ARID1B: variants seen among roughly 807,000 people sequenced by gnomAD.
ARID1B encodes AT-rich interaction domain 1B.
A neutral mutation model predicts 212.3 loss-of-function variants in ARID1B; 30 were observed. The ratio of observed to expected loss-of-function variants is 0.14; its 90% CI spans 0.11 to 0.19. ARID1B has a LOEUF of 0.19. Ranked by LOEUF, ARID1B falls within the 10% of genes least tolerant of loss-of-function variation. The probability of loss-of-function intolerance (pLI) is 1.00; values close to 1 mark genes in which losing one functional copy is unlikely to be tolerated. For missense variants in ARID1B, 2,891 were observed against 3,204.0 expected (o/e 0.90, Z 2.36); for synonymous variants, 1,402 against 1,301.7 (o/e 1.08, Z -1.66).
chr6:157,200,102 G>A lies in ARID1B; in HGVS notation c.4480-603G>A, dbSNP rs1368722497. Reference sequence around the variant, plus strand: ...GGTCCCGGAGCATCCTGGGAAGCAAGCTTAATAACAGGTGTGGTCCCAGCC... The same window carrying A: ...GGTCCCGGAGCATCCTGGGAAGCAAACTTAATAACAGGTGTGGTCCCAGCC... On this transcript the variant is annotated intron_variant, in intron 17 of 19. Coordinates refer to ENST00000636930, the MANE Select transcript of ARID1B (RefSeq NM_001374828.1). The surrounding 1 kb of genome is among the most constrained non-coding windows in gnomAD (Gnocchi z 4.3). Among the ~76,000 whole-genome samples the A allele has an allele frequency of 6.6e-6, 1 of 152,194 alleles. No homozygotes were observed. The highest frequency in any genetic ancestry group is 1.5e-5 in the Non-Finnish European group (1 of 68,032).
rs148105329 is a variant in ARID1B at position 157,018,504 on chromosome 6, G to A, written c.2248-66158G>A. Among the ~76,000 whole-genome samples the A allele has an allele frequency of 4.4e-3, 673 of 152,218 alleles. 4 individuals carry two copies. Among genetic ancestry groups the A allele is most frequent in the African/African-American group, 0.015 (640 of 41,528 alleles). On this transcript the variant is annotated intron_variant, in intron 4 of 19. Transcript: ENST00000636930. The stretch of plus-strand genomic sequence containing the variant: ...GCTGGGATTACAGGCGTGAGCCACC[G>A]TGCCCGGCATAACTATTTCCTTTTT...
intron 2 of ARID1B, among the ~76,000 whole-genome samples, chr6:156,831,526 G>A (rs73572290): frequency 0.022 from 3,291 of 152,278 alleles, 130 homozygotes; most frequent in African/African-American, 0.075. Flanking sequence ...TCCCAAAGTG[G>A]GAGTCAAACA....
At chr6:156,795,274 A>G (rs1005496051) in intron 1 of ARID1B, among the ~76,000 whole-genome samples, 1 of 152,158 alleles carries the variant, frequency 6.6e-6, no homozygotes, top group African/African-American at 2.4e-5. Context: ...ACGGTGTCTC[A>G]GATTCGCTGG....
rs1242708514 is a variant in ARID1B at position 157,084,921 on chromosome 6, A to G, written c.2491+16A>G. The G allele has an allele frequency of 6.3e-7, 1 of 1,589,866 alleles. No individual in the cohort carries two copies. The highest frequency in any genetic ancestry group is 8.6e-7 in the Non-Finnish European group (1 of 1,168,400). ...AGTATCCCAGGTATTTACTTTCCTG[A>G]CAATTATTATTTTACTTTGTGATAA... On this transcript the variant is annotated intron_variant, in intron 5 of 19. Coordinates refer to ENST00000636930, the MANE Select transcript of ARID1B (RefSeq NM_001374828.1).
chr6:156,891,727 TC>T (rs202012940), intron 2 of ARID1B, among the ~76,000 whole-genome samples: 7,879 of 148,990 alleles, frequency 0.053, 687 homozygotes, highest in African/African-American at 0.18. Flanking sequence ...TCACCTCTGC[TC>T]TTTTTTTTCC....
intron 4 of ARID1B, among the ~76,000 whole-genome samples, chr6:157,055,098 C>T (rs774554435): frequency 2.6e-4 from 39 of 152,342 alleles, no homozygotes; most frequent in Admixed American, 2.0e-4. Flanking sequence ...GCCACCTCAC[C>T]ACTGAAGCCA....
In ARID1B at chr6:157,203,719, A is replaced by G; in HGVS notation, c.5264-147A>G. On this transcript the variant is annotated intron_variant, in intron 18 of 19. Transcript: ENST00000636930. The surrounding 1 kb of genome is among the most constrained non-coding windows in gnomAD (Gnocchi z 4.4). ...TGGCCTCCATTTAAAATCGGAAATG[A>G]TCACGCTTAACTGTCCTTGAGAGCA... 9.9e-7 allele frequency: 1 copy of G among 1,005,386 alleles called. No homozygotes were observed. Among genetic ancestry groups the G allele is most frequent in the East Asian group, 2.4e-5 (1 of 40,914 alleles). 62.3% of individuals were successfully genotyped at this position (1,005,386 alleles called of 1,614,324 possible).
intron 4 of ARID1B, among the ~76,000 whole-genome samples, chr6:157,065,981 C>T (rs1783653958): frequency 6.6e-6 from 1 of 152,198 alleles, no homozygotes; most frequent in Non-Finnish European, 1.5e-5. Flanking sequence ...CAAAAGCCCT[C>T]TTATGCCTCT....
intron 4 of ARID1B, among the ~76,000 whole-genome samples, chr6:156,965,412 C>T (rs1195696354): frequency 6.6e-6 from 1 of 152,134 alleles, no homozygotes; most frequent in African/African-American, 2.4e-5. Context: ...CCACTTTATC[C>T]TTAAAAAGTA....
intron 7 of ARID1B, among the ~76,000 whole-genome samples, chr6:157,140,100 A>G (rs112426137): frequency 0.039 from 5,868 of 152,230 alleles, 399 homozygotes; most frequent in African/African-American, 0.13. Context: ...TCTGTGCGTG[A>G]TGAAAGTAAA....
rs370971102 is a variant in ARID1B, at chr6:157,124,639, G to A, written c.2582-8389G>A. On this transcript the variant is annotated intron_variant, in intron 6 of 19. Transcript: ENST00000636930. ...CCATTAGTGGATCTTTCCATGATAT[G>A]TAAAATATCAGAGTGCACTGTACAT... Among the ~76,000 whole-genome samples, 35 of 152,290 alleles carry A rather than the reference G, an allele frequency of 2.3e-4. 1 individual carries two copies. In the South Asian group the frequency reaches 6.9e-3, roughly 30 times the overall value.
intron 6 of ARID1B, among the ~76,000 whole-genome samples, chr6:157,124,133 C>T (rs907016518): frequency 6.6e-6 from 1 of 152,254 alleles, no homozygotes; most frequent in African/African-American, 2.4e-5. Context: ...GGACAGCTGT[C>T]TCCTTTTCCT....
intron 2 of ARID1B, among the ~76,000 whole-genome samples, chr6:156,888,120 C>T (rs1787661702): frequency 6.6e-6 from 1 of 152,334 alleles, no homozygotes; most frequent in Non-Finnish European, 1.5e-5. Context: ...CAAAGGTTAT[C>T]TCTTTAAAAT....
chr6:157,049,456 G>T (rs573273801), intron 4 of ARID1B, among the ~76,000 whole-genome samples: 1 of 152,284 alleles, frequency 6.6e-6, no homozygotes, highest in South Asian at 2.1e-4. Flanking sequence ...TCGGCGTAGA[G>T]GAAGTTAAGT....
At chr6:157,137,471 A>G (rs976937163) in intron 7 of ARID1B, among the ~76,000 whole-genome samples, 6 of 152,210 alleles carry the variant, frequency 3.9e-5, no homozygotes, top group Admixed American at 3.9e-4. Flanking sequence ...GTGAGTTTGT[A>G]TGGGAAAAAG....
chr6:157,117,703 A>G (rs1012732012), intron 6 of ARID1B, among the ~76,000 whole-genome samples: 1 of 152,234 alleles, frequency 6.6e-6, no homozygotes, highest in African/African-American at 2.4e-5. Context: ...GCACAAGACA[A>G]CCGAACTAGA....
intron 19 of ARID1B, chr6:157,204,265 A>G: frequency 3.5e-6 from 1 of 285,576 alleles, no homozygotes; most frequent in South Asian, 8.8e-5. Context: ...AGATGACAGT[A>G]GTAACATTAA....
intron 4 of ARID1B, among the ~76,000 whole-genome samples, chr6:157,001,004 A>G (rs1295406241): frequency 1.3e-5 from 2 of 152,038 alleles, no homozygotes; most frequent in East Asian, 3.9e-4. Flanking sequence ...CTAAACACTC[A>G]TTTCTAATAA....
intron 3 of ARID1B, among the ~76,000 whole-genome samples, chr6:156,917,308 T>A (rs1271551484): frequency 6.6e-6 from 1 of 152,244 alleles, no homozygotes; most frequent in African/African-American, 2.4e-5. Flanking sequence ...CAGGGTCTGT[T>A]GGACAAGCAA....
Sources: gnomAD v4.1 joint callset for allele counts (sites outside exome capture counted in the v4.1 genomes callset) on GRCh38, gnomAD v4.1.1 for gene constraint, Gnocchi (gnomAD v3.1) non-coding constraint, MANE v1.5 for transcripts, NCBI Gene and HGNC (gene_info 2026-07-23, HGNC 2026-07-21) for gene names.